DCC: variants seen among roughly 807,000 people sequenced by gnomAD.
The protein encoded by DCC is netrin receptor DCC.
In DCC, 58 loss-of-function variants were observed where a neutral mutation model predicts 172.5. The observed-to-expected ratio is 0.34, with a 90% confidence interval of 0.27 to 0.42. The LOEUF (loss-of-function observed/expected upper bound fraction) is 0.42. Ranked by LOEUF, DCC falls within the 10% of genes least tolerant of loss-of-function variation. The pLI is 1.00. For missense variants in DCC, 1,740 were observed against 1,791.0 expected (o/e 0.97, Z 0.51); for synonymous variants, 709 against 644.5 (o/e 1.10, Z -1.52).
chr18:52,673,552 G>T (rs561034711), intron 1 of DCC, among the ~76,000 whole-genome samples: 1 of 152,112 alleles, frequency 6.6e-6, no homozygotes, highest in Non-Finnish European at 1.5e-5. Context: ...TAGTTTACTC[G>T]GATAAGACAG....
intron 7 of DCC, among the ~76,000 whole-genome samples, chr18:53,068,443 T>A (rs2042605520): frequency 8.3e-6 from 1 of 120,632 alleles, no homozygotes; most frequent in East Asian, 2.9e-4. Flanking sequence ...TACCATATCA[T>A]TAGTAACAAA....
intron 2 of DCC, among the ~76,000 whole-genome samples, chr18:52,867,628 G>T (rs2039249097): frequency 6.6e-6 from 1 of 152,004 alleles, no homozygotes; most frequent in African/African-American, 2.4e-5. Flanking sequence ...TATATGTCCA[G>T]GAATTTATCC....
chr18:53,179,818 G>A lies in DCC; in HGVS notation c.1573+702G>A, dbSNP rs113741763. Among the ~76,000 whole-genome samples, 267 of 152,164 alleles carry A rather than the reference G, an allele frequency of 1.8e-3. 2 individuals carry two copies. Among genetic ancestry groups the A allele is most frequent in the African/African-American group, 6.3e-3 (263 of 41,530 alleles). On this transcript the variant is annotated intron_variant, in intron 9 of 28. Transcript: ENST00000442544. ...TTCTTGTGCATTTCTAATGTTTTTT[G>A]AAAAGATTAGTTGCTGATGAGTCAT...
chr18:53,213,217 A>T (rs527347916), intron 11 of DCC, among the ~76,000 whole-genome samples: 1 of 152,360 alleles, frequency 6.6e-6, no homozygotes, highest in South Asian at 2.1e-4. Context: ...TCAATTATCT[A>T]TCAAAAATTC....
chr18:53,036,502 A>C (rs1047190249), intron 5 of DCC, among the ~76,000 whole-genome samples: 1 of 152,040 alleles, frequency 6.6e-6, no homozygotes, highest in Non-Finnish European at 1.5e-5. Context: ...GCAACTTTCT[A>C]TCTGATTTCA....
At chr18:52,652,156 T>C (rs1206189227) in intron 1 of DCC, among the ~76,000 whole-genome samples, 1 of 151,672 alleles carries the variant, frequency 6.6e-6, no homozygotes, top group Non-Finnish European at 1.5e-5. Flanking sequence ...CAATGGAGAG[T>C]TTTTATCCCT....
chr18:52,898,302 G>T (rs920939679), intron 2 of DCC, among the ~76,000 whole-genome samples: 2 of 152,144 alleles, frequency 1.3e-5, no homozygotes, highest in Non-Finnish European at 2.9e-5. Flanking sequence ...TGCCAAGAAG[G>T]CTAGAGGGCA....
rs118089345 is a variant in DCC at position 53,232,850 on chromosome 18, G to C, written c.1911+17253G>C. ...AAAACCATCCTATATGACAGCCCCT[G>C]TGTTCATCTGAATCTCTAATGTCTC... On this transcript the variant is annotated intron_variant, in intron 12 of 28. Transcript: ENST00000442544. 8.4e-3 allele frequency among the ~76,000 whole-genome samples: 1,274 copies of C among 151,808 alleles called. 12 individuals carry two copies. The highest frequency in any genetic ancestry group is 0.024 in the Middle Eastern group (7 of 290).
rs141488564 is a variant in DCC, at chr18:52,808,530, T to C, written c.412+56156T>C. ...TTTATAAATGTAAAATGGATCACTG[T>C]TAGAAAAGAAAAAATAAAAATTGGC... On this transcript the variant is annotated intron_variant, in intron 2 of 28. Coordinates refer to ENST00000442544, the MANE Select transcript of DCC (RefSeq NM_005215.4). 8.9e-3 allele frequency among the ~76,000 whole-genome samples: 1,355 copies of C among 152,222 alleles called. 46 individuals are homozygous for C. The highest frequency in any genetic ancestry group is 0.067 in the Admixed American group (1,028 of 15,286).
chr18:53,400,711 T>C (rs904197284), intron 18 of DCC, among the ~76,000 whole-genome samples: 2 of 152,146 alleles, frequency 1.3e-5, no homozygotes, highest in African/African-American at 4.8e-5. Context: ...TGAGGAAAAA[T>C]AAGAGCTTGC....
chr18:53,448,335 AT>A (rs886161933), intron 22 of DCC, among the ~76,000 whole-genome samples: 2 of 152,192 alleles, frequency 1.3e-5, no homozygotes, highest in African/African-American at 4.8e-5. Context: ...AAGCAAACAC[AT>A]CCTTCCTCAC....
intron 1 of DCC, among the ~76,000 whole-genome samples, chr18:52,722,164 C>G (rs1285573671): frequency 6.6e-6 from 1 of 152,214 alleles, no homozygotes; most frequent in African/African-American, 2.4e-5. Context: ...AAACATCATT[C>G]CCTTGCTGTT....
At position 52,436,885 on chromosome 18, in the gene DCC, A is replaced by G. The variant is rs559587499; in HGVS notation, c.91+96007A>G. Among the ~76,000 whole-genome samples the G allele has an allele frequency of 1.6e-4, 24 of 152,274 alleles. No individual in the cohort carries two copies. The South Asian group carries it at 4.6e-3, about 29-fold the overall frequency. The stretch of plus-strand genomic sequence containing the variant: ...CAGTGAGCCGAGATCATGCCACTGA[A>G]CTCCAGCCTGGGTGACAGAGCAAGA... On this transcript the variant is annotated intron_variant, in intron 1 of 28. Transcript: ENST00000442544.
At chr18:52,642,874 G>A (rs963342081) in intron 1 of DCC, among the ~76,000 whole-genome samples, 3 of 152,118 alleles carry the variant, frequency 2.0e-5, no homozygotes, top group African/African-American at 7.2e-5. Flanking sequence ...ATGTTACCCA[G>A]TCTGGTCTTG....
intron 1 of DCC, among the ~76,000 whole-genome samples, chr18:52,539,685 G>A (rs1297637549): frequency 6.6e-6 from 1 of 152,090 alleles, no homozygotes; most frequent in East Asian, 1.9e-4. Flanking sequence ...AATTATATTT[G>A]GAACTGCTGT....
intron 25 of DCC, among the ~76,000 whole-genome samples, chr18:53,480,520 G>A (rs749674485): frequency 6.6e-6 from 1 of 152,044 alleles, no homozygotes; most frequent in Non-Finnish European, 1.5e-5. Context: ...TTAATGCATA[G>A]CACTCTTTTT....
At chr18:52,488,761 G>A (rs75329748) in intron 1 of DCC, among the ~76,000 whole-genome samples, 6,319 of 152,136 alleles carry the variant, frequency 0.042, 173 homozygotes, top group Middle Eastern at 0.078. Context: ...TAGGCAGGAG[G>A]CATCTATAAG....
intron 1 of DCC, among the ~76,000 whole-genome samples, chr18:52,656,659 T>A (rs1443377516): frequency 2.6e-5 from 4 of 152,206 alleles, no homozygotes; most frequent in African/African-American, 9.6e-5. Context: ...AGTGCTAGGC[T>A]CAAGGGACAT....
At chr18:53,048,382 T>C (rs953314765) in intron 5 of DCC, among the ~76,000 whole-genome samples, 1 of 151,758 alleles carries the variant, frequency 6.6e-6, no homozygotes, top group Admixed American at 6.6e-5. Context: ...TGGTATTTGG[T>C]TTTCTGTTTC....
Sources: allele counts gnomAD v4.1 joint callset (sites outside exome capture counted in the v4.1 genomes callset), GRCh38; gene constraint gnomAD v4.1.1; transcripts MANE v1.5; gene names NCBI Gene and HGNC (gene_info 2026-07-23, HGNC 2026-07-21).